Variants in MOV10 observed in about 807,000 individuals in gnomAD.
The protein encoded by MOV10 is Mov10 RNA helicase, also known as RNA helicase MOV-10.
A neutral mutation model predicts 108.4 loss-of-function variants in MOV10; 39 were observed. That is an observed-to-expected ratio of 0.36 (90% CI 0.28 to 0.47). MOV10 has a LOEUF of 0.47. Ranked by LOEUF, MOV10 falls within the 20% of genes least tolerant of loss-of-function variation. MOV10 has a pLI of 1.00. For synonymous variants in MOV10, 490 were observed against 523.1 expected, an observed-to-expected ratio of 0.94 and a Z score of 0.86; for missense variants, 952 against 1,297.6, an observed-to-expected ratio of 0.73 and a Z score of 4.09.
chr1:112,691,892 G>A (rs190733946), intron 6 of MOV10, 93 bp downstream of exon 6: 9 of 1,414,104 alleles, frequency 6.4e-6, no homozygotes, highest in African/African-American at 2.8e-5. Flanking sequence ...AGCCTCCCAG[G>A]CTGTATTCAT....
chr1:112,683,031 C>T (rs1189898369), intron 2 of MOV10, among the ~76,000 whole-genome samples: 7 of 151,684 alleles, frequency 4.6e-5, no homozygotes, highest in Non-Finnish European at 1.0e-4. Flanking sequence ...GCAATTCTCC[C>T]GCCTCAGCCT....
intron 17 of MOV10, chr1:112,699,190 G>A (rs1674391580): frequency 4.4e-6 from 1 of 224,786 alleles, no homozygotes. Flanking sequence ...CCATGCCAGG[G>A]CCCCACCCAC....
intron 2 of MOV10, among the ~76,000 whole-genome samples, chr1:112,681,584 A>G (rs113230926): frequency 3.5e-4 from 54 of 152,250 alleles, no homozygotes; most frequent in Middle Eastern, 3.4e-3. Flanking sequence ...CCTCTAATGC[A>G]TTGTTGGGAT....
chr1:112,692,251 G>C (rs933604657), intron 6 of MOV10, among the ~76,000 whole-genome samples: 7 of 152,160 alleles, frequency 4.6e-5, no homozygotes, highest in African/African-American at 1.7e-4. Flanking sequence ...AGAATTTCTT[G>C]AGCCCAGGAG....
Position 112,699,807 on chromosome 1 carries a change from C to G in MOV10, c.2706C>G (p.Pro902=), listed in dbSNP as rs762762975. 1 of 1,614,208 alleles carries G rather than the reference C, an allele frequency of 6.2e-7. No homozygotes were observed. Among genetic ancestry groups the G allele is most frequent in the Non-Finnish European group, 8.5e-7 (1 of 1,180,038 alleles). The change falls in exon 18 of 21, where the codon CCC becomes CCG. Residue 902 remains proline, a synonymous_variant. Transcript: ENST00000369645. ...TTAATCTGGGTTTCCTTAAGAACCC[C>G]AAGGTTTGAGGGCTGGTCGGGGTGG... ...LDFNLGFLKN[P]KRFNVAVTRA... is the part of the protein sequence containing the mutation.
intron 2 of MOV10, among the ~76,000 whole-genome samples, chr1:112,680,734 T>C (rs1672578540): frequency 7.5e-6 from 1 of 133,594 alleles, no homozygotes; most frequent in Non-Finnish European, 1.6e-5. Flanking sequence ...TTTAAATCTC[T>C]CTCTGTCACT....
chr1:112,698,693 G>A (rs1258146076), intron 16 of MOV10, 22 bp from the exon 17 acceptor site: 5 of 1,610,432 alleles, frequency 3.1e-6, no homozygotes, highest in Non-Finnish European at 8.5e-7. Flanking sequence ...ACGAGAGAAA[G>A]GCACCTGTCC....
At chr1:112,695,655 G>A in intron 11 of MOV10, 81 bp downstream of exon 11, 1 of 1,452,526 alleles carries the variant, frequency 6.9e-7, no homozygotes, top group Non-Finnish European at 9.2e-7. Context: ...AGGAAGCTAG[G>A]AGACCTGGAT....
intron 2 of MOV10, among the ~76,000 whole-genome samples, chr1:112,683,707 G>A (rs1173484044): frequency 6.6e-6 from 1 of 152,202 alleles, no homozygotes; most frequent in Non-Finnish European, 1.5e-5. Flanking sequence ...TTGAGTGGGT[G>A]TGGTACATCT....
At chr1:112,679,853 T>C (rs1330019974) in intron 2 of MOV10, among the ~76,000 whole-genome samples, 1 of 152,154 alleles carries the variant, frequency 6.6e-6, no homozygotes, top group Non-Finnish European at 1.5e-5. Context: ...CTAACTCTTG[T>C]TAGTGAGAAC....
At position 112,694,434 on chromosome 1, in the gene MOV10, C is replaced by G; in HGVS notation, c.1296-19C>G. 1.2e-6 allele frequency: 2 copies of G among 1,613,672 alleles called. No homozygotes were observed. The highest frequency in any genetic ancestry group is 1.7e-6 in the Non-Finnish European group (2 of 1,179,972). On this transcript the variant is annotated intron_variant, in intron 8 of 20. Coordinates refer to ENST00000369645, the MANE Select transcript of MOV10 (RefSeq NM_001321324.2). This position sits in a 1 kb window ranked among gnomAD's most constrained non-coding sequence, Gnocchi z 4.1. ...CTCCCCTGCCCCAACAAACTCTTAC[C>G]ACCTCTCTCTGCCCAAAGCCTCCTG... is the stretch of plus-strand genomic sequence containing the variant.
chr1:112,687,261 A>G (rs944978285), intron 2 of MOV10, among the ~76,000 whole-genome samples: 4 of 152,324 alleles, frequency 2.6e-5, no homozygotes, highest in East Asian at 1.9e-4. Flanking sequence ...AGCCAATTCA[A>G]TGTTTTCCAA....
In MOV10 at chr1:112,695,454, C is replaced by T. The variant is rs202118396; in HGVS notation, c.1659C>T (p.Cys553=). ...TGCCCAAAGCCCACATCTTGGCCTG[C>T]GCTCCATCCAACTCAGGGGCTGACC... ...KHLPKAHILA[C]APSNSGADLL... is the part of the protein sequence containing the mutation. Residue 553 remains cysteine, a synonymous_variant, in exon 11 of 21, where the codon TGC becomes TGT. Coordinates refer to ENST00000369645, the MANE Select transcript of MOV10 (RefSeq NM_001321324.2). 35 of 1,614,198 alleles carry T rather than the reference C, an allele frequency of 2.2e-5. No homozygotes were observed. Among genetic ancestry groups the T allele is most frequent in the Non-Finnish European group, 2.5e-5 (29 of 1,180,024 alleles).
At chr1:112,692,011 T>C (rs1235024270) in intron 6 of MOV10, among the ~76,000 whole-genome samples, 2 of 152,168 alleles carry the variant, frequency 1.3e-5, no homozygotes, top group Non-Finnish European at 2.9e-5. Context: ...TTTGTTACAA[T>C]TTCATGGAGT....
chr1:112,691,752 T>C lies in MOV10; in HGVS notation c.924T>C (p.Leu308=), dbSNP rs757964769. The change falls in exon 6 of 21, where the codon CTT becomes CTC. Residue 308 remains leucine, a synonymous_variant. Transcript: ENST00000369645. ...TCAGGCAGCTGCTCCCCATGCTTCTTCAGGGAACAAGTATCTTCACTGCCC... is the reference window on the plus strand; with the variant it reads ...TCAGGCAGCTGCTCCCCATGCTTCTCCAGGGAACAAGTATCTTCACTGCCC... The part of the protein sequence containing the change: ...PRLRQLLPML[L]QGTSIFTAPK... 1.9e-6 allele frequency: 3 copies of C among 1,614,180 alleles called. No individual in the cohort carries two copies. Among genetic ancestry groups the C allele is most frequent in the Non-Finnish European group, 2.5e-6 (3 of 1,180,040 alleles).
At chr1:112,695,127 T>A (rs1673950051) in intron 10 of MOV10, among the ~76,000 whole-genome samples, 1 of 151,964 alleles carries the variant, frequency 6.6e-6, no homozygotes. Flanking sequence ...ACCCTATCTC[T>A]ATGAAAAATA....
At chr1:112,680,527 G>T (rs919580299) in intron 2 of MOV10, among the ~76,000 whole-genome samples, 5 of 149,510 alleles carry the variant, frequency 3.3e-5, no homozygotes, top group African/African-American at 1.2e-4. Flanking sequence ...GTGGTGGCGG[G>T]CGCCTGTAGT....
chr1:112,687,002 C>T, intron 2 of MOV10: 1 of 456,472 alleles, frequency 2.2e-6, no homozygotes, highest in South Asian at 1.5e-5. Flanking sequence ...AATCCTGATG[C>T]CAGAGTGATC....
intron 3 of MOV10, 111 bp from the exon 4 acceptor site, chr1:112,689,304 C>G: frequency 2.4e-6 from 3 of 1,257,332 alleles, no homozygotes; most frequent in East Asian, 4.9e-5. Flanking sequence ...GGTGAGTTTC[C>G]TAAGCACAGC....
Sources: gnomAD v4.1 joint callset for allele counts (sites outside exome capture counted in the v4.1 genomes callset) on GRCh38, gnomAD v4.1.1 for gene constraint, Gnocchi (gnomAD v3.1) non-coding constraint, MANE v1.5 for transcripts, NCBI Gene and HGNC (gene_info 2026-07-23, HGNC 2026-07-21) for gene names.